Variants in TJAP1 observed in about 807,000 individuals in gnomAD.
The protein encoded by TJAP1 is tight junction-associated protein 1.
A neutral mutation model predicts 42.0 loss-of-function variants in TJAP1; 27 were observed. The ratio of observed to expected loss-of-function variants is 0.64; its 90% confidence interval spans 0.47 to 0.89. TJAP1 has a LOEUF of 0.89. Ranked by LOEUF, TJAP1 falls within the 40% of genes least tolerant of loss-of-function variation. TJAP1 has a pLI of 0.00. For synonymous variants in TJAP1, 257 were observed against 288.4 expected, an observed-to-expected ratio of 0.89 and a Z score of 1.10; for missense variants, 712 against 726.9, an observed-to-expected ratio of 0.98 and a Z score of 0.24.
intron 3 of TJAP1, 171 bp from the exon 4 acceptor site, chr6:43,498,807 G>T: frequency 1.7e-6 from 1 of 580,996 alleles, no homozygotes. Flanking sequence ...TTTGACCTAT[G>T]GGGACTGACA....
chr6:43,480,776 A>G (rs990208677), intron 2 of TJAP1, among the ~76,000 whole-genome samples: 3 of 152,222 alleles, frequency 2.0e-5, no homozygotes, highest in African/African-American at 7.2e-5. Flanking sequence ...TCTGCCTCCC[A>G]AAGTGCTAGG....
chr6:43,489,275 C>T (rs558835406), intron 2 of TJAP1, among the ~76,000 whole-genome samples: 3 of 152,310 alleles, frequency 2.0e-5, no homozygotes, highest in African/African-American at 4.8e-5. Context: ...TGCTCTGTTG[C>T]TCGTGTTGCT....
rs944410634 is a variant in TJAP1, at chr6:43,492,804, G to C, written c.-121-5077G>C. Among the ~76,000 whole-genome samples, 1 of 152,206 alleles carries C rather than the reference G, an allele frequency of 6.6e-6. No individual in the cohort carries two copies. Among genetic ancestry groups the C allele is most frequent in the African/African-American group, 2.4e-5 (1 of 41,444 alleles). ...GTTCCTTAGACATCAGTTGGGGGCA[G>C]AGACTGGATTTCAGAGGCTTGAGAA... On this transcript the variant is annotated intron_variant, in intron 2 of 10. Transcript: ENST00000372449. This position sits in a 1 kb window ranked among gnomAD's most constrained non-coding sequence, Gnocchi z 4.2.
chr6:43,482,577 T>G (rs1158342182), intron 2 of TJAP1, among the ~76,000 whole-genome samples: 2 of 152,234 alleles, frequency 1.3e-5, no homozygotes, highest in East Asian at 3.8e-4. Context: ...AGTGCCCTTC[T>G]TCTGTGCTTC....
Position 43,505,217 on chromosome 6 carries a change from C to T in TJAP1, c.1036C>T (p.Pro346Ser). The stretch of plus-strand genomic sequence containing the variant: ...TAAGGTTCGGATCCCCCGCAACAGC[C>T]CCCTGCCCAACTGCACTTACGCTAC... Residue 346 changes from proline (P) to serine (S), a missense_variant, in exon 11 of 11, where the codon CCC becomes TCC. By Grantham distance (74) the Pro-to-Ser change is moderately conservative (BLOSUM62 -1). This residue lies in a region of TJAP1 where 549 missense variants were observed against 528.2 expected (regional missense o/e 1.04). Coordinates refer to ENST00000372449, the Ensembl canonical transcript of TJAP1. This position sits in a 1 kb window ranked among gnomAD's most constrained non-coding sequence, Gnocchi z 5.5. 1 of 1,614,174 alleles carries T rather than the reference C, an allele frequency of 6.2e-7. No individual in the cohort carries two copies. The highest frequency in any genetic ancestry group is 8.5e-7 in the Non-Finnish European group (1 of 1,180,022).
chr6:43,504,469 G>C (rs1791775363), intron 10 of TJAP1: 1 of 462,176 alleles, frequency 2.2e-6, no homozygotes, highest in Non-Finnish European at 3.9e-6. Context: ...CCAAACTTAA[G>C]TATGGTTTGG....
Position 43,505,789 on chromosome 6 carries a change from G to T in TJAP1, c.1608G>T (p.Gly536=). The T allele has an allele frequency of 2.0e-6, 3 of 1,506,456 alleles. No individual in the cohort carries two copies. Among genetic ancestry groups the T allele is most frequent in the African/African-American group, 2.8e-5 (2 of 71,636 alleles). 93.3% of individuals were successfully genotyped at this position (1,506,456 alleles called of 1,614,324 possible). Reference sequence around the variant, plus strand: ...CCCAGCGCAGCCCCAAGAGGATGGGGGTTCACCACCTGCACCGCAAGGACA... The same window carrying T: ...CCCAGCGCAGCCCCAAGAGGATGGGTGTTCACCACCTGCACCGCAAGGACA... The change falls in exon 11 of 11, where the codon GGG becomes GGT. Residue 536 remains glycine, a synonymous_variant. Coordinates refer to ENST00000372449, the Ensembl canonical transcript of TJAP1. The surrounding 1 kb of genome is among the most constrained non-coding windows in gnomAD (Gnocchi z 5.5).
chr6:43,482,699 T>A (rs930226357), intron 2 of TJAP1, among the ~76,000 whole-genome samples: 3 of 152,182 alleles, frequency 2.0e-5, no homozygotes, highest in African/African-American at 4.8e-5. Context: ...TTTGTAGCAT[T>A]TAGGACAGTG....
chr6:43,486,839 G>C (rs528742624), intron 2 of TJAP1, among the ~76,000 whole-genome samples: 1 of 152,268 alleles, frequency 6.6e-6, no homozygotes, highest in Non-Finnish European at 1.5e-5. Flanking sequence ...ATACAACCTT[G>C]TTAATGCCCA....
chr6:43,500,626 T>C, intron 4 of TJAP1, 118 bp from the exon 5 acceptor site: 3 of 1,137,312 alleles, frequency 2.6e-6, no homozygotes, highest in Non-Finnish European at 4.0e-6. Flanking sequence ...TGCAGCCCTC[T>C]TCTGCTATAA....
chr6:43,502,076 ACTCTCT>A lies in TJAP1; in HGVS notation c.291-177_291-172del, dbSNP rs529451483. On this transcript the variant is annotated intron_variant, in intron 6 of 10. Coordinates refer to ENST00000372449, the Ensembl canonical transcript of TJAP1. The stretch of plus-strand genomic sequence containing the variant: ...CACACACACACACACACACACACAC[ACTCTCT>A]CTCTCTCTCTCTCTCTCTCTCTCTC... Among the ~76,000 whole-genome samples, 418 of 68,956 alleles carry A rather than the reference ACTCTCT, an allele frequency of 6.1e-3. 16 individuals are homozygous for A. The highest frequency in any genetic ancestry group is 0.019 in the African/African-American group (244 of 13,116). 45.2% of individuals were successfully genotyped at this position (68,956 alleles called of 152,430 possible).
In TJAP1 at chr6:43,499,010, TGCC is replaced by T. The variant is rs760879166; in HGVS notation, c.13_15del (p.Ala5del). ...AGCCGTCACCTCCCAGAATGACTAGTGCCGCCCCTGCTAAGAAACCCTACCGTA... is the reference window on the plus strand; with the variant it reads ...AGCCGTCACCTCCCAGAATGACTAGTGCCCCTGCTAAGAAACCCTACCGTA... On this transcript the variant is annotated inframe_deletion, in exon 4 of 11. Coordinates refer to ENST00000372449, the Ensembl canonical transcript of TJAP1. 2.5e-6 allele frequency: 4 copies of T among 1,613,964 alleles called. No homozygotes were observed. In the South Asian group the frequency reaches 4.4e-5, roughly 18 times the overall value.
intron 2 of TJAP1, among the ~76,000 whole-genome samples, chr6:43,486,121 C>T (rs1359120367): frequency 2.7e-5 from 4 of 150,078 alleles, no homozygotes; most frequent in South Asian, 2.1e-4. Context: ...TGTGCCACCA[C>T]GCGCAGCTAA....
chr6:43,502,435 C>A, intron 7 of TJAP1, 86 bp downstream of exon 7: 2 of 1,537,756 alleles, frequency 1.3e-6, no homozygotes, highest in Non-Finnish European at 1.8e-6. Context: ...TGCCACTCTG[C>A]CCTGGGGCTT....
intron 2 of TJAP1, among the ~76,000 whole-genome samples, chr6:43,484,013 G>A (rs1431196297): frequency 6.6e-6 from 1 of 151,846 alleles, no homozygotes; most frequent in Non-Finnish European, 1.5e-5. Context: ...GCTGCAGTGA[G>A]CTATGATTGC....
intron 2 of TJAP1, among the ~76,000 whole-genome samples, chr6:43,480,107 C>T (rs879572963): frequency 1.2e-4 from 18 of 152,136 alleles, no homozygotes; most frequent in Non-Finnish European, 2.1e-4. Context: ...GAGTATCTAT[C>T]GCATAGGGTT....
chr6:43,503,498 A>C, exon 9 of TJAP1: 2 of 1,614,144 alleles, frequency 1.2e-6, no homozygotes, highest in Non-Finnish European at 1.7e-6. Flanking sequence ...AACAAGCTGG[A>C]AGAGCTCAAT....
chr6:43,490,719 T>TC (rs937697972), intron 2 of TJAP1, among the ~76,000 whole-genome samples: 15 of 151,928 alleles, frequency 9.9e-5, no homozygotes, highest in South Asian at 6.2e-4. Flanking sequence ...GTGAAGTTTG[T>TC]CCCCCCCACC....
At chr6:43,482,005 C>T (rs946485212) in intron 2 of TJAP1, among the ~76,000 whole-genome samples, 1 of 152,180 alleles carries the variant, frequency 6.6e-6, no homozygotes, top group African/African-American at 2.4e-5. Context: ...ATGACCTTTC[C>T]TATTTGTTTG....
Sources: gnomAD v4.1 joint callset for allele counts (sites outside exome capture counted in the v4.1 genomes callset) on GRCh38, gnomAD v4.1.1 for gene constraint, gnomAD v4.1.1 regional missense constraint, Gnocchi (gnomAD v3.1) non-coding constraint, MANE v1.5 for transcripts, NCBI Gene and HGNC (gene_info 2026-07-23, HGNC 2026-07-21) for gene names.